EFNA5: variants seen among roughly 807,000 people sequenced by gnomAD.
The protein encoded by EFNA5 is ephrin A5.
In EFNA5, 5 loss-of-function variants were observed where a neutral mutation model predicts 22.9. The ratio of observed to expected loss-of-function variants is 0.22; its 90% confidence interval spans 0.11 to 0.46. EFNA5 has a LOEUF of 0.46. EFNA5 is among the 20% of genes least tolerant of loss of function. EFNA5 has a pLI of 0.99. For synonymous variants in EFNA5, 113 were observed against 112.2 expected (o/e 1.01, Z -0.04); for missense variants, 237 against 293.3 (o/e 0.81, Z 1.40).
chr5:107,497,692 G>A (rs1349883938), intron 1 of EFNA5, among the ~76,000 whole-genome samples: 1 of 152,074 alleles, frequency 6.6e-6, no homozygotes, highest in Non-Finnish European at 1.5e-5. Flanking sequence ...ATAACACGCA[G>A]GGCACAGTGC....
Position 107,552,748 on chromosome 5 carries a change from A to G in EFNA5, c.125+117741T>C, listed in dbSNP as rs115549918. Among the ~76,000 whole-genome samples the G allele has an allele frequency of 2.0e-3, 308 of 152,362 alleles. 2 individuals carry two copies. Among genetic ancestry groups the G allele is most frequent in the African/African-American group, 7.1e-3 (297 of 41,584 alleles). ...AAGGGAATGAAGATTTTAAAAATTC[A>G]GAGAAGAATGTTCTGATGTTGTCAT... On this transcript the variant is annotated intron_variant, in intron 1 of 4. Transcript: ENST00000333274.
chr5:107,448,626 C>T (rs367738720), intron 1 of EFNA5, among the ~76,000 whole-genome samples: 4 of 151,700 alleles, frequency 2.6e-5, no homozygotes, highest in Admixed American at 6.6e-5. Context: ...ATCAGGAGTT[C>T]GAGACCAGCC....
intron 1 of EFNA5, among the ~76,000 whole-genome samples, chr5:107,516,898 C>T (rs180977218): frequency 6.6e-6 from 1 of 152,220 alleles, no homozygotes; most frequent in East Asian, 1.9e-4. Context: ...TAAAAGAACA[C>T]ATATTGTATG....
chr5:107,454,365 G>A (rs1451395293), intron 1 of EFNA5, among the ~76,000 whole-genome samples: 3 of 151,920 alleles, frequency 2.0e-5, no homozygotes, highest in Non-Finnish European at 2.9e-5. Context: ...TTATACCTTT[G>A]TTTTTAAAAT....
intron 2 of EFNA5, among the ~76,000 whole-genome samples, chr5:107,399,393 AAGAG>A (rs1357165302): frequency 6.9e-6 from 1 of 144,650 alleles, no homozygotes; most frequent in Non-Finnish European, 1.5e-5. Flanking sequence ...GGAAGGAAAG[AAGAG>A]AGAGAGAAGG....
intron 1 of EFNA5, among the ~76,000 whole-genome samples, chr5:107,517,177 A>G (rs1413763882): frequency 1.3e-5 from 2 of 151,984 alleles, no homozygotes; most frequent in Non-Finnish European, 2.9e-5. Context: ...AAAAAGATGG[A>G]AAAAAGTCCA....
At chr5:107,381,631 C>G (rs930060286) in intron 4 of EFNA5, among the ~76,000 whole-genome samples, 3 of 152,188 alleles carry the variant, frequency 2.0e-5, no homozygotes, top group African/African-American at 7.2e-5. Context: ...TACACCGTAA[C>G]CTTTGGCCTG....
intron 1 of EFNA5, among the ~76,000 whole-genome samples, chr5:107,644,643 T>G (rs1263252528): frequency 1.3e-5 from 2 of 152,082 alleles, no homozygotes; most frequent in African/African-American, 4.8e-5. Context: ...CAATCAAGAG[T>G]TTAAGAAGTG....
At chr5:107,568,607 A>G (rs1748712373) in intron 1 of EFNA5, among the ~76,000 whole-genome samples, 1 of 152,228 alleles carries the variant, frequency 6.6e-6, no homozygotes, top group African/African-American at 2.4e-5. Context: ...GCCATCCTCA[A>G]ACCCAAGTCA....
At chr5:107,436,641 C>G (rs1479339826) in intron 1 of EFNA5, among the ~76,000 whole-genome samples, 2 of 152,060 alleles carry the variant, frequency 1.3e-5, no homozygotes, top group Non-Finnish European at 2.9e-5. Flanking sequence ...TTTTACACCC[C>G]CCAGCCCCAA....
intron 1 of EFNA5, among the ~76,000 whole-genome samples, chr5:107,621,615 G>A (rs1440661197): frequency 1.3e-5 from 2 of 152,184 alleles, no homozygotes; most frequent in African/African-American, 4.8e-5. Flanking sequence ...TGAGGCAGCT[G>A]ATCATGAGAG....
intron 1 of EFNA5, among the ~76,000 whole-genome samples, chr5:107,667,720 A>G (rs1006717778): frequency 2.0e-5 from 3 of 152,194 alleles, no homozygotes; most frequent in Non-Finnish European, 4.4e-5. Flanking sequence ...AAAGTCCTCT[A>G]TTCTTTTTTC....
chr5:107,441,015 AT>A (rs796829616), intron 1 of EFNA5, among the ~76,000 whole-genome samples: 3,224 of 139,670 alleles, frequency 0.023, 101 homozygotes, highest in African/African-American at 0.069. Context: ...AAAAACTTGG[AT>A]TTTTTTTTTT....
intron 1 of EFNA5, among the ~76,000 whole-genome samples, chr5:107,529,549 G>A (rs1561423335): frequency 6.6e-6 from 1 of 152,198 alleles, no homozygotes; most frequent in Non-Finnish European, 1.5e-5. Context: ...ACAGGAAAAG[G>A]CATGGAGGCA....
intron 1 of EFNA5, among the ~76,000 whole-genome samples, chr5:107,442,796 T>C (rs1348314793): frequency 2.6e-5 from 4 of 152,010 alleles, no homozygotes; most frequent in Admixed American, 1.3e-4. Context: ...TTTTCTCTTT[T>C]TGGTTTTCTG....
chr5:107,665,084 T>C (rs1359209803), intron 1 of EFNA5, among the ~76,000 whole-genome samples: 1 of 152,102 alleles, frequency 6.6e-6, no homozygotes, highest in Non-Finnish European at 1.5e-5. Flanking sequence ...TCATATTTTG[T>C]TCATTTTTAT....
At chr5:107,665,926 C>T (rs1444259851) in intron 1 of EFNA5, among the ~76,000 whole-genome samples, 2 of 152,110 alleles carry the variant, frequency 1.3e-5, no homozygotes, top group Non-Finnish European at 2.9e-5. Flanking sequence ...CTGGTACTTG[C>T]ATAAATTCTG....
At chr5:107,469,019 C>T (rs1278739696) in intron 1 of EFNA5, among the ~76,000 whole-genome samples, 1 of 152,186 alleles carries the variant, frequency 6.6e-6, no homozygotes. Context: ...GCCACAACCA[C>T]CAATGAATGT....
chr5:107,627,506 C>T (rs747945675), intron 1 of EFNA5, among the ~76,000 whole-genome samples: 5 of 152,008 alleles, frequency 3.3e-5, no homozygotes, highest in African/African-American at 4.8e-5. Context: ...TGCGGTGGCA[C>T]GGGCCTGTAG....
Sources: gnomAD v4.1 joint callset for allele counts (sites outside exome capture counted in the v4.1 genomes callset) on GRCh38, gnomAD v4.1.1 for gene constraint, MANE v1.5 for transcripts, NCBI Gene and HGNC (gene_info 2026-07-23, HGNC 2026-07-21) for gene names.